Variants in CNTNAP2 observed in about 807,000 individuals in gnomAD.
The protein encoded by CNTNAP2 is contactin-associated protein-like 2.
Under a neutral mutation model 155.2 loss-of-function variants are expected in CNTNAP2, and 98 were observed. The observed-to-expected ratio is 0.63, with a 90% CI of 0.54 to 0.75. The LOEUF (loss-of-function observed/expected upper bound fraction) is 0.75, where lower values mean the gene tolerates loss of function less well. Among genes scored for constraint, CNTNAP2 ranks in the 30% least tolerant of loss-of-function variants. The pLI is 0.00. For synonymous variants in CNTNAP2, 651 were observed against 631.2 expected, an observed-to-expected ratio of 1.03 and a Z score of -0.47; for missense variants, 1,727 against 1,688.1, an observed-to-expected ratio of 1.02 and a Z score of -0.40.
At chr7:148,400,233 T>G (rs564586895) in intron 22 of CNTNAP2, among the ~76,000 whole-genome samples, 1 of 152,226 alleles carries the variant, frequency 6.6e-6, no homozygotes, top group African/African-American at 2.4e-5. Context: ...GAGCCCTGCA[T>G]GCATAGGAAG....
intron 1 of CNTNAP2, among the ~76,000 whole-genome samples, chr7:146,390,272 T>C (rs12668176): frequency 0.24 from 37,066 of 151,950 alleles, 5,052 homozygotes; most frequent in Admixed American, 0.4. Context: ...AAAAAGTAAA[T>C]ATTTTACTTT....
intron 1 of CNTNAP2, among the ~76,000 whole-genome samples, chr7:146,231,042 A>AATAAG: frequency 6.6e-6 from 1 of 150,486 alleles, no homozygotes; most frequent in South Asian, 2.1e-4. Context: ...AAATAAATAA[A>AATAAG]AAGTTAATAT....
intron 21 of CNTNAP2, among the ~76,000 whole-genome samples, chr7:148,338,327 T>C (rs1291477256): frequency 6.6e-6 from 1 of 152,210 alleles, no homozygotes; most frequent in African/African-American, 2.4e-5. Flanking sequence ...TCATGATCCT[T>C]TTTGCAGAAC....
At chr7:147,630,705 T>C (rs1268272818) in intron 12 of CNTNAP2, among the ~76,000 whole-genome samples, 1 of 151,982 alleles carries the variant, frequency 6.6e-6, no homozygotes, top group Non-Finnish European at 1.5e-5. Flanking sequence ...TCACATAAAA[T>C]AATTAACAAC....
intron 13 of CNTNAP2, chr7:147,831,847 A>C (rs1405102121): frequency 6.6e-6 from 1 of 152,162 alleles, no homozygotes; most frequent in Non-Finnish European, 1.5e-5. Flanking sequence ...CAAGAATGAC[A>C]CATAAATGCA....
At chr7:147,058,216 G>A (rs1799598640) in intron 4 of CNTNAP2, among the ~76,000 whole-genome samples, 1 of 152,190 alleles carries the variant, frequency 6.6e-6, no homozygotes, top group Admixed American at 6.5e-5. Flanking sequence ...TTGGGATCAA[G>A]AGGAGATTGA....
At chr7:148,040,135 C>T (rs750410364) in intron 15 of CNTNAP2, among the ~76,000 whole-genome samples, 2 of 152,162 alleles carry the variant, frequency 1.3e-5, no homozygotes, top group Non-Finnish European at 2.9e-5. Flanking sequence ...TTTAAATTCA[C>T]ATCTAGCTTA....
intron 15 of CNTNAP2, among the ~76,000 whole-genome samples, chr7:148,028,440 A>C (rs907768011): frequency 8.5e-5 from 13 of 152,156 alleles, no homozygotes; most frequent in Non-Finnish European, 1.5e-4. Context: ...AATGTCTCAG[A>C]TCAAACTGAT....
chr7:147,922,148 C>A (rs919893887), intron 14 of CNTNAP2, among the ~76,000 whole-genome samples: 3 of 152,108 alleles, frequency 2.0e-5, no homozygotes, highest in African/African-American at 7.2e-5. Flanking sequence ...CATGTCGATG[C>A]AAATTACAAA....
chr7:146,802,070 T>A (rs1042742470), intron 2 of CNTNAP2, among the ~76,000 whole-genome samples: 1 of 152,152 alleles, frequency 6.6e-6, no homozygotes, highest in Non-Finnish European at 1.5e-5. Flanking sequence ...TGTTGCTGGA[T>A]AAAAAATTAC....
chr7:148,374,157 G>A (rs1019124345), intron 21 of CNTNAP2, among the ~76,000 whole-genome samples: 29 of 151,870 alleles, frequency 1.9e-4, no homozygotes, highest in Non-Finnish European at 2.8e-4. Flanking sequence ...GGTCCATTTC[G>A]TGATGTTTAT....
At chr7:147,533,981 C>T (rs1424179894) in intron 11 of CNTNAP2, among the ~76,000 whole-genome samples, 2 of 152,182 alleles carry the variant, frequency 1.3e-5, no homozygotes, top group African/African-American at 4.8e-5. Context: ...TACCACTATT[C>T]AGTTAGCAAG....
At chr7:147,307,067 A>T (rs1165394428) in intron 9 of CNTNAP2, among the ~76,000 whole-genome samples, 1 of 152,196 alleles carries the variant, frequency 6.6e-6, no homozygotes, top group Admixed American at 6.5e-5. Flanking sequence ...ATTTTGTACG[A>T]TGGGCATCTA....
intron 22 of CNTNAP2, among the ~76,000 whole-genome samples, chr7:148,397,155 T>C (rs1456151977): frequency 6.6e-6 from 1 of 152,234 alleles, no homozygotes; most frequent in Non-Finnish European, 1.5e-5. Flanking sequence ...AAAATGCAGC[T>C]CAGAGAAAAT....
intron 20 of CNTNAP2, among the ~76,000 whole-genome samples, chr7:148,240,911 C>A (rs943508272): frequency 1.3e-5 from 2 of 152,138 alleles, no homozygotes; most frequent in African/African-American, 4.8e-5. Flanking sequence ...TCCACGTTCC[C>A]CTACCTGCTT....
At chr7:146,736,919 A>G (rs1448307425) in intron 1 of CNTNAP2, among the ~76,000 whole-genome samples, 2 of 152,244 alleles carry the variant, frequency 1.3e-5, no homozygotes, top group Non-Finnish European at 2.9e-5. Flanking sequence ...ATTTTAAAAT[A>G]TACACACATA....
chr7:147,683,540 A>T (rs973886448), intron 13 of CNTNAP2, among the ~76,000 whole-genome samples: 1 of 151,828 alleles, frequency 6.6e-6, no homozygotes, highest in African/African-American at 2.4e-5. Context: ...ACTTAACTTT[A>T]TGTGTAAAGA....
At chr7:146,673,017 A>G (rs1251093525) in intron 1 of CNTNAP2, among the ~76,000 whole-genome samples, 1 of 152,074 alleles carries the variant, frequency 6.6e-6, no homozygotes, top group African/African-American at 2.4e-5. Context: ...TCTTATCAAA[A>G]TTCTTCCTGG....
At chr7:146,424,045 T>C (rs568561818) in intron 1 of CNTNAP2, among the ~76,000 whole-genome samples, 70 of 152,256 alleles carry the variant, frequency 4.6e-4, no homozygotes, top group African/African-American at 1.7e-3. Context: ...AACTGTTAGT[T>C]TTTTTCATAA....
Sources: allele counts gnomAD v4.1 joint callset (sites outside exome capture counted in the v4.1 genomes callset), GRCh38; gene constraint gnomAD v4.1.1; transcripts MANE v1.5; gene names NCBI Gene and HGNC (gene_info 2026-07-23, HGNC 2026-07-21).